COTL1: variants seen among roughly 807,000 people sequenced by gnomAD.
The protein encoded by COTL1 is coactosin like F-actin binding protein 1, also known as coactosin-like protein.
A neutral mutation model predicts 16.5 loss-of-function variants in COTL1; 15 were observed. The observed-to-expected ratio is 0.91, with a 90% CI of 0.61 to 1.40. The LOEUF (loss-of-function observed/expected upper bound fraction) is 1.40. Among genes scored for constraint, COTL1 ranks in the 40% most tolerant of loss-of-function variants. The pLI is 0.00. For synonymous variants in COTL1, 112 were observed against 85.3 expected (o/e 1.31, Z -1.73); for missense variants, 220 against 201.5 (o/e 1.09, Z -0.56).
At chr16:84,600,109 T>A (rs930786532) in intron 2 of COTL1, among the ~76,000 whole-genome samples, 5 of 152,124 alleles carry the variant, frequency 3.3e-5, no homozygotes, top group African/African-American at 9.7e-5. Flanking sequence ...AGGCCTGATA[T>A]CACTATACCA....
chr16:84,577,826 T>A (rs540079083), intron 3 of COTL1, among the ~76,000 whole-genome samples: 1 of 152,244 alleles, frequency 6.6e-6, no homozygotes, highest in East Asian at 1.9e-4. Flanking sequence ...CTGTGAGTGT[T>A]TTGGCCAAAA....
At chr16:84,606,980 T>C (rs1482126715) in intron 2 of COTL1, among the ~76,000 whole-genome samples, 5 of 152,120 alleles carry the variant, frequency 3.3e-5, no homozygotes, top group Admixed American at 2.0e-4. Context: ...GAAAAGCCTA[T>C]GACCCAGGAT....
intron 3 of COTL1, among the ~76,000 whole-genome samples, chr16:84,570,468 C>G (rs992646643): frequency 1.5e-5 from 2 of 137,042 alleles, no homozygotes; most frequent in African/African-American, 5.3e-5. Flanking sequence ...TTTAAAAATG[C>G]TATGTTTCAA....
At chr16:84,606,425 G>C (rs940217156) in intron 2 of COTL1, among the ~76,000 whole-genome samples, 10 of 152,364 alleles carry the variant, frequency 6.6e-5, no homozygotes, top group African/African-American at 2.2e-4. Context: ...GCCAGGTACT[G>C]TTCCCAGCGC....
At chr16:84,598,928 C>G (rs918370978) in intron 2 of COTL1, among the ~76,000 whole-genome samples, 2 of 149,784 alleles carry the variant, frequency 1.3e-5, no homozygotes, top group African/African-American at 2.5e-5. Flanking sequence ...CCAGTGACAA[C>G]AGAAACAGAG....
chr16:84,580,040 T>G (rs2150683244), intron 3 of COTL1, among the ~76,000 whole-genome samples: 1 of 152,250 alleles, frequency 6.6e-6, no homozygotes, highest in East Asian at 1.9e-4. Flanking sequence ...CACCACAGCG[T>G]CCGGAGGCCA....
intron 2 of COTL1, among the ~76,000 whole-genome samples, chr16:84,607,029 C>T (rs1905224186): frequency 6.6e-6 from 1 of 152,186 alleles, no homozygotes; most frequent in Admixed American, 6.5e-5. Context: ...GAGCAACACA[C>T]CCATGGGGGA....
rs747016178 is a variant in COTL1 at position 84,590,307 on chromosome 16, C to A, written c.161-45G>T. ...GAGAACATGGTGCTGCGTTAAAACA[C>A]CCCCATGTCATGTCCCTGGGGAGAG... On this transcript the variant is annotated intron_variant, in intron 2 of 3. Coordinates refer to ENST00000262428, the MANE Select transcript of COTL1 (RefSeq NM_021149.5). This position sits in a 1 kb window ranked among gnomAD's most constrained non-coding sequence, Gnocchi z 5.5. 1.3e-6 allele frequency: 2 copies of A among 1,596,298 alleles called. No homozygotes were observed. The highest frequency in any genetic ancestry group is 2.2e-5 in the South Asian group (2 of 89,170).
At chr16:84,591,637 A>G (rs1453797151) in intron 2 of COTL1, among the ~76,000 whole-genome samples, 1 of 31,552 alleles carries the variant, frequency 3.2e-5, no homozygotes, top group Non-Finnish European at 5.4e-5. Context: ...ACCTCTCTAA[A>G]AAAAAAAAAA....
At chr16:84,583,010 C>T (rs949768624) in intron 3 of COTL1, among the ~76,000 whole-genome samples, 1 of 152,228 alleles carries the variant, frequency 6.6e-6, no homozygotes, top group East Asian at 1.9e-4. Flanking sequence ...AATTTAAAAA[C>T]TAATTTCATG....
chr16:84,581,074 G>A (rs946187030), intron 3 of COTL1, among the ~76,000 whole-genome samples: 32 of 151,590 alleles, frequency 2.1e-4, no homozygotes, highest in African/African-American at 6.3e-4. Flanking sequence ...CCCAGGAGAC[G>A]GAGGCTGCAG....
chr16:84,608,386 T>C (rs926776317), intron 2 of COTL1, among the ~76,000 whole-genome samples: 15 of 152,204 alleles, frequency 9.9e-5, no homozygotes, highest in African/African-American at 3.6e-4. Context: ...CATTTTCTGT[T>C]TGTGGTGACA....
At chr16:84,597,662 T>C (rs2018540) in intron 2 of COTL1, among the ~76,000 whole-genome samples, 76,428 of 152,014 alleles carry the variant, frequency 0.5, 19,876 homozygotes, top group South Asian at 0.7. Context: ...GAACTCACTG[T>C]TGGGAGAGGG....
At chr16:84,593,332 G>A (rs532185702) in intron 2 of COTL1, among the ~76,000 whole-genome samples, 1 of 152,372 alleles carries the variant, frequency 6.6e-6, no homozygotes, top group Non-Finnish European at 1.5e-5. Context: ...CCAACTGGAT[G>A]TGAGAAGGTG....
intron 2 of COTL1, among the ~76,000 whole-genome samples, chr16:84,609,680 C>T (rs900759418): frequency 2.6e-5 from 4 of 152,164 alleles, no homozygotes; most frequent in Admixed American, 6.5e-5. Flanking sequence ...AAGGGCAGGA[C>T]GGGGTGGAGA....
intron 3 of COTL1, among the ~76,000 whole-genome samples, chr16:84,583,024 A>G (rs1904634833): frequency 1.3e-5 from 2 of 152,256 alleles, no homozygotes; most frequent in Admixed American, 1.3e-4. Context: ...TTTCATGTGC[A>G]ACACGAGTCT....
intron 3 of COTL1, chr16:84,568,569 G>A (rs1210836685): frequency 6.6e-6 from 1 of 152,180 alleles, no homozygotes; most frequent in African/African-American, 2.4e-5. Flanking sequence ...ACTGTCAGCT[G>A]CCATTGGTAT....
Position 84,612,417 on chromosome 16 carries a change from C to T in COTL1, c.160+5084G>A, listed in dbSNP as rs376714695. ...GCCTGGGCCAGGTGCCTACTTTGTG[C>T]TGAGTGGGGACGTGTACTGAAAGCT... On this transcript the variant is annotated intron_variant, in intron 2 of 3. Coordinates refer to ENST00000262428, the MANE Select transcript of COTL1 (RefSeq NM_021149.5). 2.5e-4 allele frequency among the ~76,000 whole-genome samples: 38 copies of T among 152,190 alleles called. No homozygotes were observed. The East Asian group carries it at 5.6e-3, about 22-fold the overall frequency.
chr16:84,599,226 A>C (rs1161571921), intron 2 of COTL1, among the ~76,000 whole-genome samples: 1 of 152,050 alleles, frequency 6.6e-6, no homozygotes, highest in Non-Finnish European at 1.5e-5. Flanking sequence ...CTTTTCCCCA[A>C]AGAGATTCTA....
Sources: allele counts gnomAD v4.1 joint callset (sites outside exome capture counted in the v4.1 genomes callset), GRCh38; gene constraint gnomAD v4.1.1; non-coding constraint Gnocchi (gnomAD v3.1); transcripts MANE v1.5; gene names NCBI Gene and HGNC (gene_info 2026-07-23, HGNC 2026-07-21).